EPHA3: variants seen among roughly 807,000 people sequenced by gnomAD.
EPHA3 encodes ephrin type-A receptor 3.
EPHA3 carries 42 observed loss-of-function variants against 107.1 expected under a neutral mutation model. The ratio of observed to expected loss-of-function variants is 0.39; its 90% CI spans 0.31 to 0.51. The LOEUF is 0.51. Ranked by LOEUF, EPHA3 falls within the 20% of genes least tolerant of loss-of-function variation. EPHA3 has a pLI of 0.78. For synonymous variants in EPHA3, 461 were observed against 424.8 expected, an observed-to-expected ratio of 1.09 and a Z score of -1.05; for missense variants, 1,183 against 1,211.2, an observed-to-expected ratio of 0.98 and a Z score of 0.35.
At chr3:89,429,076 A>T in intron 11 of EPHA3, 30 bp from the exon 12 acceptor site, 1 of 1,458,304 alleles carries the variant, frequency 6.9e-7, no homozygotes, top group Non-Finnish European at 9.6e-7. Context: ...AACTGTACTG[A>T]TTATTATTTA....
At chr3:89,265,793 G>A (rs1233299648) in intron 3 of EPHA3, among the ~76,000 whole-genome samples, 1 of 152,048 alleles carries the variant, frequency 6.6e-6, no homozygotes, top group Non-Finnish European at 1.5e-5. Flanking sequence ...GTCAAGTCCT[G>A]AGAATGAGCA....
chr3:89,332,972 C>T (rs1707320900), intron 3 of EPHA3, among the ~76,000 whole-genome samples: 1 of 152,226 alleles, frequency 6.6e-6, no homozygotes, highest in South Asian at 2.1e-4. Context: ...AATTGAAAGG[C>T]TGCCTTCTTT....
At chr3:89,271,751 G>C (rs1705674011) in intron 3 of EPHA3, among the ~76,000 whole-genome samples, 1 of 151,858 alleles carries the variant, frequency 6.6e-6, no homozygotes, top group Non-Finnish European at 1.5e-5. Flanking sequence ...AAAATACCAG[G>C]AAGAAAAAGA....
At chr3:89,301,079 T>C (rs1490093438) in intron 3 of EPHA3, among the ~76,000 whole-genome samples, 1 of 152,114 alleles carries the variant, frequency 6.6e-6, no homozygotes. Flanking sequence ...TTGTCAATGA[T>C]CTAGAGTCAA....
rs147245423 is a variant in EPHA3 at position 89,394,497 on chromosome 3, T to A, written c.1307-1340T>A. On this transcript the variant is annotated intron_variant, in intron 5 of 16. Coordinates refer to ENST00000336596, the MANE Select transcript of EPHA3 (RefSeq NM_005233.6). ...AGATCTCACAAATAATAAAACCCAG[T>A]TGATGGGAAATATTGCAGTAGATTC... is the stretch of plus-strand genomic sequence containing the variant. Among the ~76,000 whole-genome samples the A allele has an allele frequency of 1.0e-3, 156 of 152,326 alleles. 3 individuals carry two copies. In the East Asian group the frequency reaches 0.027, roughly 27 times the overall value.
intron 2 of EPHA3, among the ~76,000 whole-genome samples, chr3:89,169,222 T>C (rs1033494937): frequency 6.6e-6 from 1 of 152,146 alleles, no homozygotes; most frequent in African/African-American, 2.4e-5. Context: ...TATAATAATT[T>C]TATCACTGCT....
chr3:89,361,898 A>G (rs574836998), intron 5 of EPHA3, among the ~76,000 whole-genome samples: 3 of 151,240 alleles, frequency 2.0e-5, no homozygotes, highest in Admixed American at 6.6e-5. Context: ...TAGAATTGCT[A>G]CACTTGTGCT....
intron 1 of EPHA3, among the ~76,000 whole-genome samples, chr3:89,117,619 C>G (rs1347413092): frequency 6.6e-6 from 1 of 152,066 alleles, no homozygotes; most frequent in East Asian, 1.9e-4. Flanking sequence ...ATATCACCAA[C>G]AGTATTGTCC....
chr3:89,468,857 A>G (rs1710342317), intron 15 of EPHA3, among the ~76,000 whole-genome samples: 1 of 152,182 alleles, frequency 6.6e-6, no homozygotes, highest in African/African-American at 2.4e-5. Flanking sequence ...GTATATCTGT[A>G]ATTACTCAAG....
chr3:89,208,480 A>AAGAG (rs1271830884), intron 2 of EPHA3, among the ~76,000 whole-genome samples: 1 of 145,884 alleles, frequency 6.9e-6, no homozygotes, highest in African/African-American at 2.6e-5. Context: ...GAAAGAAAGA[A>AAGAG]AGAGAAAAAG....
At chr3:89,286,783 T>G (rs1706093076) in intron 3 of EPHA3, among the ~76,000 whole-genome samples, 2 of 152,108 alleles carry the variant, frequency 1.3e-5, no homozygotes, top group African/African-American at 4.8e-5. Flanking sequence ...GAAGTGTACA[T>G]AAACAAAACA....
At chr3:89,115,327 T>C (rs1210515050) in intron 1 of EPHA3, among the ~76,000 whole-genome samples, 3 of 152,064 alleles carry the variant, frequency 2.0e-5, no homozygotes, top group African/African-American at 2.4e-5. Flanking sequence ...TGAGGGGATG[T>C]CAGTAAACTT....
intron 3 of EPHA3, among the ~76,000 whole-genome samples, chr3:89,262,990 T>TTTA (rs1705456071): frequency 7.2e-6 from 1 of 138,786 alleles, no homozygotes; most frequent in Admixed American, 7.1e-5. Context: ...TTTTTTTTTT[T>TTTA]AATTATACTT....
chr3:89,169,314 TA>T (rs1705158096), intron 2 of EPHA3, among the ~76,000 whole-genome samples: 1 of 152,158 alleles, frequency 6.6e-6, no homozygotes, highest in Non-Finnish European at 1.5e-5. Flanking sequence ...ATAGATATTG[TA>T]CATATTTTTC....
chr3:89,246,369 GAT>G (rs1286774012), intron 3 of EPHA3, among the ~76,000 whole-genome samples: 3 of 152,124 alleles, frequency 2.0e-5, no homozygotes, highest in Non-Finnish European at 4.4e-5. Context: ...TTGTTTATTT[GAT>G]ATGTTTCCAT....
intron 3 of EPHA3, among the ~76,000 whole-genome samples, chr3:89,226,020 G>C (rs1164280738): frequency 6.6e-6 from 1 of 152,026 alleles, no homozygotes; most frequent in Non-Finnish European, 1.5e-5. Flanking sequence ...ATCAATAAAT[G>C]TTTAAATTAT....
intron 5 of EPHA3, among the ~76,000 whole-genome samples, chr3:89,376,126 C>T (rs1708399370): frequency 6.6e-6 from 1 of 151,746 alleles, no homozygotes; most frequent in Non-Finnish European, 1.5e-5. Flanking sequence ...AGAGATATTC[C>T]ATACATTATT....
At position 89,431,336 on chromosome 3, in the gene EPHA3, C is replaced by T; in HGVS notation, c.2323C>T (p.Pro775Ser). The T allele has an allele frequency of 6.2e-7, 1 of 1,613,350 alleles. No homozygotes were observed. Among genetic ancestry groups the T allele is most frequent in the Non-Finnish European group, 8.5e-7 (1 of 1,179,842 alleles). The change falls in exon 13 of 17, where the codon CCA becomes TCA. Residue 775 changes from proline (P) to serine (S), a missense_variant. Coordinates refer to ENST00000336596, the MANE Select transcript of EPHA3 (RefSeq NM_005233.6). ...FGLSRVLEDD[P>S]EAAYTTRGGK... The stretch of plus-strand genomic sequence containing the variant: ...ACTTTCGCGTGTCCTGGAGGATGAC[C>T]CAGAAGCTGCTTATACAACAAGAGT...
intron 3 of EPHA3, among the ~76,000 whole-genome samples, chr3:89,269,603 C>T (rs916574041): frequency 2.7e-5 from 4 of 150,392 alleles, no homozygotes; most frequent in Admixed American, 1.3e-4. Context: ...ATTTTTTTTT[C>T]TTTCTTTTTT....
Sources: allele counts gnomAD v4.1 joint callset (sites outside exome capture counted in the v4.1 genomes callset), GRCh38; gene constraint gnomAD v4.1.1; transcripts MANE v1.5; gene names NCBI Gene and HGNC (gene_info 2026-07-23, HGNC 2026-07-21).